The following KCNH5 variants were observed in gnomAD, a reference collection of about 807,000 sequenced individuals.
KCNH5 encodes the protein voltage-gated delayed rectifier potassium channel KCNH5.
Under a neutral mutation model 96.1 loss-of-function variants are expected in KCNH5, and 46 were observed. That is an observed-to-expected ratio of 0.48 (90% confidence interval 0.38 to 0.61). KCNH5 has a LOEUF of 0.61. KCNH5 is among the 20% of genes least tolerant of loss of function. KCNH5 has a pLI of 0.00. For synonymous variants in KCNH5, 439 were observed against 449.8 expected, an observed-to-expected ratio of 0.98 and a Z score of 0.30; for missense variants, 907 against 1,225.8, an observed-to-expected ratio of 0.74 and a Z score of 3.88.
intron 8 of KCNH5, among the ~76,000 whole-genome samples, chr14:62,808,871 G>A (rs1886820758): frequency 6.6e-6 from 1 of 152,010 alleles, no homozygotes; most frequent in South Asian, 2.1e-4. Context: ...ATCCTCTTTA[G>A]AAGGTGGTTT....
intron 7 of KCNH5, among the ~76,000 whole-genome samples, chr14:62,944,072 A>G (rs1458394361): frequency 6.6e-6 from 1 of 152,136 alleles, no homozygotes; most frequent in African/African-American, 2.4e-5. Context: ...TCTGTCTGAT[A>G]TATGAACAAG....
chr14:62,857,824 C>A (rs1017157545), intron 7 of KCNH5, among the ~76,000 whole-genome samples: 1 of 152,226 alleles, frequency 6.6e-6, no homozygotes, highest in East Asian at 1.9e-4. Context: ...CAATACTTTG[C>A]ATCCTTCAAT....
chr14:62,745,477 T>C (rs1309130548), intron 10 of KCNH5, among the ~76,000 whole-genome samples: 1 of 152,212 alleles, frequency 6.6e-6, no homozygotes, highest in Non-Finnish European at 1.5e-5. Context: ...ATTTATCAAC[T>C]CTGTCAACAA....
intron 1 of KCNH5, among the ~76,000 whole-genome samples, chr14:63,026,513 AAACAAAT>A (rs1465502677): frequency 7.2e-6 from 1 of 139,768 alleles, no homozygotes; most frequent in African/African-American, 2.9e-5. Flanking sequence ...GATAGTAAGA[AAACAAAT>A]AACCAGATTA....
At chr14:62,772,636 GAA>G (rs3045398) in intron 10 of KCNH5, among the ~76,000 whole-genome samples, 35,220 of 85,496 alleles carry the variant, frequency 0.41, 5,832 homozygotes, top group East Asian at 0.61. Flanking sequence ...GACTTTGTCT[GAA>G]AAAAAAAAAA....
chr14:62,764,322 T>A (rs762631539), intron 10 of KCNH5, among the ~76,000 whole-genome samples: 2 of 152,258 alleles, frequency 1.3e-5, no homozygotes, highest in Middle Eastern at 6.8e-3. Context: ...AAATTAAACA[T>A]ATTTTCATGT....
intron 7 of KCNH5, among the ~76,000 whole-genome samples, chr14:62,948,993 A>T (rs1381702144): frequency 6.6e-6 from 1 of 151,204 alleles, no homozygotes; most frequent in East Asian, 1.9e-4. Context: ...TAAATTAGGT[A>T]TTGATGGGAC....
intron 6 of KCNH5, among the ~76,000 whole-genome samples, chr14:62,962,081 T>C (rs112439129): frequency 0.012 from 1,868 of 151,620 alleles, 35 homozygotes; most frequent in African/African-American, 0.043. Flanking sequence ...GAAATGGAGA[T>C]GGAGATGGAT....
chr14:62,708,950 T>G (rs1252334908), intron 10 of KCNH5, among the ~76,000 whole-genome samples: 1 of 152,178 alleles, frequency 6.6e-6, no homozygotes, highest in Admixed American at 6.5e-5. Context: ...CCATTTTTAA[T>G]ATTATCCTCT....
intron 10 of KCNH5, among the ~76,000 whole-genome samples, chr14:62,742,716 A>G (rs1042558771): frequency 5.3e-5 from 8 of 152,160 alleles, no homozygotes; most frequent in African/African-American, 1.2e-4. Context: ...TGATTATGAC[A>G]TGAAGGACTG....
chr14:62,972,621 G>C (rs1002559725), intron 6 of KCNH5, among the ~76,000 whole-genome samples: 5 of 151,962 alleles, frequency 3.3e-5, no homozygotes, highest in African/African-American at 7.3e-5. Flanking sequence ...TCTTCAGTAG[G>C]TGAATGAATA....
intron 8 of KCNH5, among the ~76,000 whole-genome samples, chr14:62,840,666 G>T (rs1342031962): frequency 1.4e-5 from 2 of 138,656 alleles, no homozygotes; most frequent in Non-Finnish European, 3.0e-5. Flanking sequence ...TGCCTCCTGG[G>T]TTCAAGTGAT....
intron 7 of KCNH5, among the ~76,000 whole-genome samples, chr14:62,857,027 T>C (rs1233338141): frequency 1.3e-5 from 2 of 152,166 alleles, no homozygotes; most frequent in African/African-American, 4.8e-5. Flanking sequence ...GGATCACTTT[T>C]GGAACTTACC....
intron 8 of KCNH5, among the ~76,000 whole-genome samples, chr14:62,841,775 A>G (rs1460723645): frequency 2.6e-5 from 4 of 152,208 alleles, no homozygotes; most frequent in Non-Finnish European, 5.9e-5. Flanking sequence ...GGCATTTTTC[A>G]CCTCCCAGCC....
intron 5 of KCNH5, among the ~76,000 whole-genome samples, chr14:62,984,332 G>A (rs570628059): frequency 5.3e-5 from 8 of 152,288 alleles, no homozygotes; most frequent in African/African-American, 1.9e-4. Context: ...GCAATCAGCA[G>A]GGTGTCAATG....
chr14:62,876,160 C>T (rs1361300401), intron 7 of KCNH5, among the ~76,000 whole-genome samples: 1 of 152,106 alleles, frequency 6.6e-6, no homozygotes, highest in African/African-American at 2.4e-5. Context: ...GAGTGAGACT[C>T]TGTCTAAAAA....
chr14:62,919,976 T>C (rs1473695755), intron 7 of KCNH5, among the ~76,000 whole-genome samples: 1 of 152,124 alleles, frequency 6.6e-6, no homozygotes, highest in African/African-American at 2.4e-5. Flanking sequence ...GTGATATCAA[T>C]TACTTTGACA....
chr14:63,043,020 T>C (rs1891855019), intron 1 of KCNH5, among the ~76,000 whole-genome samples: 2 of 152,050 alleles, frequency 1.3e-5, no homozygotes, highest in African/African-American at 2.4e-5. Context: ...AAAGAAACAT[T>C]TAACCAATGA....
At chr14:62,929,740 G>T (rs891612837) in intron 7 of KCNH5, among the ~76,000 whole-genome samples, 66 of 150,754 alleles carry the variant, frequency 4.4e-4, no homozygotes, top group African/African-American at 1.6e-3. Flanking sequence ...TGTTACATGG[G>T]TATATTGTAC....
Sources: allele counts gnomAD v4.1 joint callset (sites outside exome capture counted in the v4.1 genomes callset), GRCh38; gene constraint gnomAD v4.1.1; transcripts MANE v1.5; gene names NCBI Gene and HGNC (gene_info 2026-07-23, HGNC 2026-07-21).